SH3PXD2B: variants seen among roughly 807,000 people sequenced by gnomAD.
SH3PXD2B encodes the protein SH3 and PX domain-containing protein 2B.
A neutral mutation model predicts 73.1 loss-of-function variants in SH3PXD2B; 37 were observed. That is an observed-to-expected ratio of 0.51 (90% CI 0.39 to 0.67). The LOEUF (loss-of-function observed/expected upper bound fraction) is 0.67. Ranked by LOEUF, SH3PXD2B falls within the 30% of genes least tolerant of loss-of-function variation. SH3PXD2B has a pLI of 0.00. For synonymous variants in SH3PXD2B, 457 were observed against 480.5 expected (o/e 0.95, Z 0.64); for missense variants, 1,053 against 1,197.8 (o/e 0.88, Z 1.78).
chr5:172,361,520 C>T (rs144657278), intron 7 of SH3PXD2B, among the ~76,000 whole-genome samples: 20 of 152,330 alleles, frequency 1.3e-4, no homozygotes, highest in Non-Finnish European at 2.5e-4. Context: ...ACCCAAGCTT[C>T]CTGACTTCCT....
At chr5:172,405,033 G>C (rs1758520502) in intron 3 of SH3PXD2B, among the ~76,000 whole-genome samples, 1 of 152,264 alleles carries the variant, frequency 6.6e-6, no homozygotes. Flanking sequence ...AAAGCACTGA[G>C]TGACTGGCCC....
chr5:172,363,903 T>C (rs1373411608), intron 6 of SH3PXD2B, among the ~76,000 whole-genome samples: 1 of 152,066 alleles, frequency 6.6e-6, no homozygotes, highest in African/African-American at 2.4e-5. Context: ...CTGGCTGCCA[T>C]GTGGAGAATG....
intron 12 of SH3PXD2B, among the ~76,000 whole-genome samples, chr5:172,328,073 T>C (rs1346613010): frequency 6.6e-6 from 1 of 150,846 alleles, no homozygotes; most frequent in Non-Finnish European, 1.5e-5. Context: ...CTAATTTTTG[T>C]AATTTTTATA....
chr5:172,327,103 G>T (rs574005560), intron 12 of SH3PXD2B, among the ~76,000 whole-genome samples: 10 of 151,864 alleles, frequency 6.6e-5, no homozygotes, highest in Non-Finnish European at 1.0e-4. Context: ...CAGGTGATCC[G>T]CCCGCCACGG....
At chr5:172,410,773 T>C (rs1758674644) in intron 2 of SH3PXD2B, among the ~76,000 whole-genome samples, 1 of 152,234 alleles carries the variant, frequency 6.6e-6, no homozygotes, top group South Asian at 2.1e-4. Context: ...ATATAACAGT[T>C]CACAGTGAAC....
chr5:172,390,119 T>A (rs1758147745), intron 4 of SH3PXD2B, among the ~76,000 whole-genome samples: 1 of 152,244 alleles, frequency 6.6e-6, no homozygotes, highest in Non-Finnish European at 1.5e-5. Context: ...TACAGAGTTG[T>A]GCAGCAATCA....
At chr5:172,348,662 T>TCTATCTATCTATCTATCTATCTATCTATC (rs1757065797) in intron 10 of SH3PXD2B, among the ~76,000 whole-genome samples, 1 of 30,538 alleles carries the variant, frequency 3.3e-5, no homozygotes, top group African/African-American at 9.8e-5. Context: ...ATCCTATCTA[T>TCTATCTATCTATCTATCTATCTATCTATC]CTATCTATCT....
Position 172,337,692 on chromosome 5 carries a change from A to G in SH3PXD2B, c.*677T>C. The G allele has an allele frequency of 1.0e-6, 1 of 990,648 alleles. No individual in the cohort carries two copies. Among genetic ancestry groups the G allele is most frequent in the South Asian group, 4.6e-5 (1 of 21,694 alleles). The allele number at this position is 990,648 out of a possible 1,614,324, so 61.4% of individuals were successfully genotyped here. A position where few individuals can be genotyped will look rare whatever the true frequency, so the allele number is the denominator to read the frequency against. ...ATACGCGGGGCTGGAACCACCCTTC[A>G]GGGCTGACCACGGTCCCAAGATAGA... On this transcript the variant is annotated 3_prime_UTR_variant, in exon 13 of 13. Coordinates refer to ENST00000311601, the MANE Select transcript of SH3PXD2B (RefSeq NM_001017995.3).
downstream of SH3PXD2B, among the ~76,000 whole-genome samples, chr5:172,329,144 T>C (rs1190260584): frequency 4.2e-5 from 6 of 144,156 alleles, no homozygotes; most frequent in Admixed American, 1.4e-4. Flanking sequence ...GCAGTGGTGC[T>C]ATCTCAGCTC....
chr5:172,413,624 T>C (rs775442764), intron 2 of SH3PXD2B, among the ~76,000 whole-genome samples: 7 of 152,230 alleles, frequency 4.6e-5, no homozygotes, highest in Non-Finnish European at 8.8e-5. Context: ...AAAAATTACA[T>C]ACCAGGTGGC....
chr5:172,399,977 GAGA>G (rs1290075623), intron 3 of SH3PXD2B, among the ~76,000 whole-genome samples: 6 of 152,178 alleles, frequency 3.9e-5, no homozygotes, highest in African/African-American at 1.4e-4. Context: ...GCTCAACCAG[GAGA>G]AGAAGGAACT....
chr5:172,360,273 G>A (rs1451787501), intron 7 of SH3PXD2B, among the ~76,000 whole-genome samples: 3 of 152,194 alleles, frequency 2.0e-5, no homozygotes, highest in East Asian at 1.9e-4. Context: ...AGTGCTGCAC[G>A]TCCACTCCTA....
At position 172,339,162 on chromosome 5, in the gene SH3PXD2B, G is replaced by A. The variant is rs753591975; in HGVS notation, c.1943C>T (p.Pro648Leu). The change falls in exon 13 of 13, where the codon CCT (proline) becomes CTT (leucine). Residue 648 changes from proline (P) to leucine (L), a missense_variant. Transcript: ENST00000311601. This position sits in a 1 kb window ranked among gnomAD's most constrained non-coding sequence, Gnocchi z 6.1. ...CTGAGGTGGCTCCGTTTTGGGGGAA[G>A]GAGCTGGTTTTGGCCTAACCTGAGG... Reference protein sequence around the residue: ...SRPQVRPKPAPSPKTEPPQGE... With the variant: ...SRPQVRPKPALSPKTEPPQGE... 1.4e-5 allele frequency: 23 copies of A among 1,614,096 alleles called. No individual in the cohort carries two copies. In the Admixed American group the frequency reaches 1.5e-4, roughly 11 times the overall value.
intron 5 of SH3PXD2B, among the ~76,000 whole-genome samples, chr5:172,378,421 G>T (rs894934393): frequency 1.3e-5 from 2 of 152,236 alleles, no homozygotes; most frequent in Non-Finnish European, 2.9e-5. Context: ...GAAGAGGGAA[G>T]AAAGCTTTTG....
chr5:172,374,649 C>G (rs755309213), intron 5 of SH3PXD2B, among the ~76,000 whole-genome samples: 6 of 152,096 alleles, frequency 3.9e-5, no homozygotes, highest in Non-Finnish European at 7.4e-5. Flanking sequence ...CCACTGCACT[C>G]TAGCCTGGGT....
At chr5:172,404,316 AT>A (rs200906488) in intron 3 of SH3PXD2B, among the ~76,000 whole-genome samples, 3 of 150,366 alleles carry the variant, frequency 2.0e-5, no homozygotes, top group Admixed American at 6.6e-5. Context: ...ATATATATAT[AT>A]TTTTTTTTGA....
chr5:172,454,129 AC>A lies in SH3PXD2B; in HGVS notation c.75+148del, dbSNP rs146712497. ...AGGGAGGGAGGAGGAGTCGGGAGGGACCCGGGCAGCGCCGCCGCAGAGCCGA... is the reference window on the plus strand; with the variant it reads ...AGGGAGGGAGGAGGAGTCGGGAGGGACCGGGCAGCGCCGCCGCAGAGCCGA... On this transcript the variant is annotated intron_variant, in intron 1 of 12. Coordinates refer to ENST00000311601, the MANE Select transcript of SH3PXD2B (RefSeq NM_001017995.3). 4,859 of 490,786 alleles carry A rather than the reference AC, an allele frequency of 9.9e-3. 252 individuals carry two copies. In the African/African-American group the frequency reaches 0.1, roughly 10 times the overall value. The allele number at this position is 490,786 out of a possible 1,614,324, so 30.4% of individuals were successfully genotyped here.
chr5:172,338,997 C>T lies in SH3PXD2B; in HGVS notation c.2108G>A (p.Gly703Glu), dbSNP rs779011230. ...GTCCTGGGCGCGGCCAGGCCCCTCT[C>T]CTGGGAGGAAGCTTCGGCTGAAGGC... Reference protein sequence around the residue: ...DVAFSRSFLPGEGPGRAQDRT... With the variant: ...DVAFSRSFLPEEGPGRAQDRT... The change falls in exon 13 of 13, where the codon GGA (glycine) becomes GAA (glutamate). Residue 703 changes from glycine (G) to glutamate (E), a missense_variant. Coordinates refer to ENST00000311601, the MANE Select transcript of SH3PXD2B (RefSeq NM_001017995.3). This position sits in a 1 kb window ranked among gnomAD's most constrained non-coding sequence, Gnocchi z 5.1. 21 of 1,614,130 alleles carry T rather than the reference C, an allele frequency of 1.3e-5. No homozygotes were observed. The highest frequency in any genetic ancestry group is 1.1e-5 in the South Asian group (1 of 91,084).
At chr5:172,348,626 G>GTCTATCTATCTATC (rs1561896273) in intron 10 of SH3PXD2B, among the ~76,000 whole-genome samples, 3 of 92,552 alleles carry the variant, frequency 3.2e-5, no homozygotes, top group African/African-American at 1.8e-4. Flanking sequence ...ATCTATCTAT[G>GTCTATCTATCTATC]TATCTATCTA....
Sources: gnomAD v4.1 joint callset for allele counts (sites outside exome capture counted in the v4.1 genomes callset) on GRCh38, gnomAD v4.1.1 for gene constraint, Gnocchi (gnomAD v3.1) non-coding constraint, MANE v1.5 for transcripts, NCBI Gene and HGNC (gene_info 2026-07-23, HGNC 2026-07-21) for gene names.